Variants in ZMYND11 observed in about 807,000 individuals in gnomAD.
The protein encoded by ZMYND11 is zinc finger MYND-type containing 11.
Under a neutral mutation model 84.9 loss-of-function variants are expected in ZMYND11, and 9 were observed. That is an observed-to-expected ratio of 0.11 (90% CI 0.06 to 0.18). ZMYND11 has a LOEUF of 0.18. Among genes scored for constraint, ZMYND11 ranks in the 10% least tolerant of loss-of-function variants. The pLI is 1.00. For synonymous variants in ZMYND11, 250 were observed against 244.1 expected (o/e 1.02, Z -0.23); for missense variants, 409 against 761.0 (o/e 0.54, Z 5.44).
intron 4 of ZMYND11, 62 bp from the exon 5 acceptor site, chr10:236,776 A>G: frequency 7.2e-7 from 1 of 1,394,608 alleles, no homozygotes; most frequent in Non-Finnish European, 1.0e-6. Flanking sequence ...TGTCTTTTAC[A>G]TGAATATAGA....
At chr10:155,684 C>T (rs1163401202) in intron 1 of ZMYND11, among the ~76,000 whole-genome samples, 3 of 152,218 alleles carry the variant, frequency 2.0e-5, no homozygotes, top group Non-Finnish European at 4.4e-5. Context: ...ATGATTTTTG[C>T]ACTTCTGGTT....
Position 233,341 on chromosome 10 carries a change from TGG to T in ZMYND11, c.439-3495_439-3494del, listed in dbSNP as rs543882439. Among the ~76,000 whole-genome samples the T allele has an allele frequency of 2.8e-4, 42 of 152,320 alleles. 1 individual carries two copies. The South Asian group carries it at 8.7e-3, about 32-fold the overall frequency. On this transcript the variant is annotated intron_variant, in intron 4 of 14. Transcript: ENST00000381604. ...CTACGGGGAAGCTCGCTCTTGTCCC[TGG>T]GCCAGTAGATCCCCACTCCCACGCC...
At chr10:223,920 G>C (rs1204101218) in intron 4 of ZMYND11, among the ~76,000 whole-genome samples, 1 of 151,974 alleles carries the variant, frequency 6.6e-6, no homozygotes, top group Non-Finnish European at 1.5e-5. Context: ...AAGAACTGTG[G>C]TTCCGAATCA....
chr10:144,378 C>G (rs541092234), intron 1 of ZMYND11, among the ~76,000 whole-genome samples: 1 of 152,160 alleles, frequency 6.6e-6, no homozygotes, highest in South Asian at 2.1e-4. Flanking sequence ...GCCACCACAC[C>G]TGGCTAATTT....
At chr10:169,725 A>C (rs72770975) in intron 1 of ZMYND11, among the ~76,000 whole-genome samples, 8,945 of 152,220 alleles carry the variant, frequency 0.059, 294 homozygotes, top group East Asian at 0.095. Flanking sequence ...GACAACTAGA[A>C]ATCTTCAGAA....
At chr10:176,948 C>T (rs1554767073) in intron 1 of ZMYND11, among the ~76,000 whole-genome samples, 3 of 152,098 alleles carry the variant, frequency 2.0e-5, no homozygotes, top group South Asian at 4.1e-4. Flanking sequence ...TTGGTTTGGC[C>T]ATATCAACAA....
chr10:137,054 A>G (rs1405381515), intron 1 of ZMYND11, among the ~76,000 whole-genome samples: 1 of 152,120 alleles, frequency 6.6e-6, no homozygotes, highest in Non-Finnish European at 1.5e-5. Flanking sequence ...GTGTGTAGGT[A>G]GTACCCAATG....
At chr10:243,785 A>T (rs1951549519) in intron 10 of ZMYND11, among the ~76,000 whole-genome samples, 1 of 152,214 alleles carries the variant, frequency 6.6e-6, no homozygotes. Context: ...GAATGGCGTG[A>T]ACCCGGGAGG....
chr10:236,713 G>T, intron 4 of ZMYND11, 125 bp from the exon 5 acceptor site: 1 of 762,258 alleles, frequency 1.3e-6, no homozygotes, highest in Non-Finnish European at 2.1e-6. Flanking sequence ...AGATATGTTG[G>T]AAAAAGAGCA....
At position 155,125 on chromosome 10, in the gene ZMYND11, A is replaced by G. The variant is rs562393914; in HGVS notation, c.-20+19566A>G. On this transcript the variant is annotated intron_variant, in intron 1 of 14. Transcript: ENST00000381604. ...TTTATTTATTTTCAGAAAGCATCTC[A>G]TATGGTTAAAAAGAAATTCAGATTT... 8.5e-5 allele frequency among the ~76,000 whole-genome samples: 13 copies of G among 152,292 alleles called. No homozygotes were observed. The South Asian group carries it at 2.7e-3, about 32-fold the overall frequency.
At chr10:227,722 C>A (rs916241028) in intron 4 of ZMYND11, among the ~76,000 whole-genome samples, 1 of 152,136 alleles carries the variant, frequency 6.6e-6, no homozygotes, top group South Asian at 2.1e-4. Flanking sequence ...AATGAAAATA[C>A]TTTGAACATA....
Position 241,107 on chromosome 10 carries a change from T to A in ZMYND11, c.831+137T>A, listed in dbSNP as rs544996454. The A allele has an allele frequency of 8.8e-6, 5 of 568,506 alleles. No individual in the cohort carries two copies. In the East Asian group the frequency reaches 1.5e-4, roughly 17 times the overall value. 35.2% of individuals were successfully genotyped at this position (568,506 alleles called of 1,614,324 possible). A position where few individuals can be genotyped will look rare whatever the true frequency, so the allele number is the denominator to read the frequency against. On this transcript the variant is annotated intron_variant, in intron 9 of 14. Transcript: ENST00000381604. Reference sequence around the variant, plus strand: ...TATGGGTTTAATGAGTATAAACAACTGAAAAAAAGTAACAGGGCTTGTTAT... The same window carrying A: ...TATGGGTTTAATGAGTATAAACAACAGAAAAAAAGTAACAGGGCTTGTTAT...
upstream of ZMYND11, chr10:134,955 G>C (rs1246762176): frequency 1.3e-4 from 19 of 149,708 alleles, no homozygotes; most frequent in Non-Finnish European, 2.1e-4. Context: ...GGCCGGCCGC[G>C]CGCAAGTCCG....
intron 1 of ZMYND11, among the ~76,000 whole-genome samples, chr10:140,124 C>T (rs1209629970): frequency 2.6e-5 from 4 of 152,050 alleles, no homozygotes; most frequent in Admixed American, 1.3e-4. Flanking sequence ...CACATACACA[C>T]GCAGAAACAG....
intron 1 of ZMYND11, among the ~76,000 whole-genome samples, chr10:139,108 T>C (rs1476482360): frequency 6.6e-6 from 1 of 152,226 alleles, no homozygotes; most frequent in Non-Finnish European, 1.5e-5. Flanking sequence ...GCCTGGCCTA[T>C]CATTACTTTG....
At chr10:227,975 A>T (rs11251075) in intron 4 of ZMYND11, among the ~76,000 whole-genome samples, 6 of 152,148 alleles carry the variant, frequency 3.9e-5, no homozygotes, top group African/African-American at 7.2e-5. Context: ...TATTTTTACA[A>T]TTTTTAAGAC....
Position 237,578 on chromosome 10 carries a change from C to T in ZMYND11, c.517-7C>T. 6.3e-7 allele frequency: 1 copy of T among 1,593,586 alleles called. No homozygotes were observed. Among genetic ancestry groups the T allele is most frequent in the Non-Finnish European group, 8.6e-7 (1 of 1,165,458 alleles). On this transcript the variant is annotated splice_polypyrimidine_tract_variant and splice_region_variant and intron_variant, in intron 5 of 14. Transcript: ENST00000381604. ...ACATTTAAATTGATGTACTAACACC[C>T]TCTTAGGCTATAGATCTTAATAAAA...
intron 9 of ZMYND11, 97 bp from the exon 10 acceptor site, chr10:241,924 G>A: frequency 7.1e-7 from 1 of 1,412,086 alleles, no homozygotes. Flanking sequence ...AAATATTTTA[G>A]AAATAATGGA....
upstream of ZMYND11, among the ~76,000 whole-genome samples, chr10:134,263 C>G (rs1554750929): frequency 1.3e-5 from 2 of 152,208 alleles, no homozygotes; most frequent in Admixed American, 6.5e-5. Flanking sequence ...TCCCTGAAAA[C>G]ACCTTGCTGT....
Sources: allele counts gnomAD v4.1 joint callset (sites outside exome capture counted in the v4.1 genomes callset), GRCh38; gene constraint gnomAD v4.1.1; transcripts MANE v1.5; gene names NCBI Gene and HGNC (gene_info 2026-07-23, HGNC 2026-07-21).